Variants in DGKD observed in about 807,000 individuals in gnomAD.
DGKD encodes the protein DAG kinase delta.
A neutral mutation model predicts 154.4 loss-of-function variants in DGKD; 68 were observed. The observed-to-expected ratio is 0.44, with a 90% CI of 0.36 to 0.54. The LOEUF (loss-of-function observed/expected upper bound fraction) is 0.54, where lower values mean the gene tolerates loss of function less well. Among genes scored for constraint, DGKD ranks in the 20% least tolerant of loss-of-function variants. DGKD has a pLI of 0.00. For synonymous variants in DGKD, 693 were observed against 638.0 expected (o/e 1.09, Z -1.30); for missense variants, 1,343 against 1,593.6 (o/e 0.84, Z 2.68).
chr2:233,432,711 G>A (rs963301109), intron 3 of DGKD, among the ~76,000 whole-genome samples: 2 of 152,042 alleles, frequency 1.3e-5, no homozygotes, highest in Non-Finnish European at 2.9e-5. Flanking sequence ...TCTGACAAGG[G>A]ATTATAACCA....
intron 3 of DGKD, among the ~76,000 whole-genome samples, chr2:233,426,649 A>G (rs1033022499): frequency 1.2e-4 from 19 of 152,230 alleles, no homozygotes; most frequent in Admixed American, 7.8e-4. Context: ...ATGTATGAGT[A>G]TACTACAGTG....
In DGKD at chr2:233,445,540, T is replaced by G. The variant is rs1189336170; in HGVS notation, c.1195-83T>G. On this transcript the variant is annotated intron_variant, in intron 10 of 29. Transcript: ENST00000264057. The surrounding 1 kb of genome is among the most constrained non-coding windows in gnomAD (Gnocchi z 5.5). ...CACATTGCTAACGTAACCCTCACGGTGGGGGACAAGGAGGGCTGCGGGCTG... is the reference window on the plus strand; with the variant it reads ...CACATTGCTAACGTAACCCTCACGGGGGGGGACAAGGAGGGCTGCGGGCTG... 3 of 1,503,234 alleles carry G rather than the reference T, an allele frequency of 2.0e-6. No individual in the cohort carries two copies. The East Asian group carries it at 7.1e-5, about 36-fold the overall frequency. 93.1% of individuals were successfully genotyped at this position (1,503,234 alleles called of 1,614,324 possible).
intron 1 of DGKD, among the ~76,000 whole-genome samples, chr2:233,379,545 C>G (rs1317274169): frequency 6.6e-6 from 1 of 152,154 alleles, no homozygotes; most frequent in Non-Finnish European, 1.5e-5. Context: ...CCTGCCCCCT[C>G]CCACACTGAT....
intron 24 of DGKD, among the ~76,000 whole-genome samples, chr2:233,460,693 A>C (rs2063602672): frequency 6.6e-6 from 1 of 152,166 alleles, no homozygotes; most frequent in African/African-American, 2.4e-5. Context: ...GATTGAGACC[A>C]TTCTGGCTAA....
At chr2:233,358,860 T>C (rs934740713) in intron 1 of DGKD, among the ~76,000 whole-genome samples, 3 of 152,218 alleles carry the variant, frequency 2.0e-5, no homozygotes, top group African/African-American at 7.2e-5. Context: ...GCTGTGAACA[T>C]TCATGCACAT....
intron 3 of DGKD, among the ~76,000 whole-genome samples, chr2:233,404,542 T>C (rs73115402): frequency 0.067 from 10,127 of 152,232 alleles, 467 homozygotes; most frequent in African/African-American, 0.13. Context: ...GTGATTCTAG[T>C]TTGGTTCTGG....
intron 1 of DGKD, among the ~76,000 whole-genome samples, chr2:233,368,427 G>A (rs987901976): frequency 3.3e-5 from 5 of 152,042 alleles, no homozygotes; most frequent in African/African-American, 7.2e-5. Context: ...CAGGAGAATC[G>A]CATGAACCCA....
chr2:233,365,089 TAGA>T (rs1452544308), intron 1 of DGKD, among the ~76,000 whole-genome samples: 2 of 152,106 alleles, frequency 1.3e-5, no homozygotes, highest in Non-Finnish European at 2.9e-5. Flanking sequence ...TCAAAATATA[TAGA>T]AGAAAAATTA....
At chr2:233,465,440 G>A (rs987539970) in intron 27 of DGKD, among the ~76,000 whole-genome samples, 1 of 152,126 alleles carries the variant, frequency 6.6e-6, no homozygotes, top group Non-Finnish European at 1.5e-5. Flanking sequence ...TTTCATACTT[G>A]GAGAAATACA....
chr2:233,435,863 A>C lies in DGKD; in HGVS notation c.632A>C (p.Asn211Thr). ...AAGCGCTGTGCTGTGCGTGCAACCAATAACTGCAAGTGGACCACACTGGCC... is the reference window on the plus strand; with the variant it reads ...AAGCGCTGTGCTGTGCGTGCAACCACTAACTGCAAGTGGACCACACTGGCC... ...AHKRCAVRAT[N>T]NCKWTTLASI... The change falls in exon 6 of 30, where the codon AAT becomes ACT. Residue 211 changes from asparagine to threonine, a missense_variant. Physicochemically the swap from Asn to Thr is moderately conservative, Grantham distance 65. This residue lies in a region of DGKD where 332 missense variants were observed against 400.1 expected (regional missense o/e 0.83). Coordinates refer to ENST00000264057, the MANE Select transcript of DGKD (RefSeq NM_152879.3). The C allele has an allele frequency of 1.2e-6, 2 of 1,612,658 alleles. No individual in the cohort carries two copies. The highest frequency in any genetic ancestry group is 1.7e-6 in the Non-Finnish European group (2 of 1,179,448).
At chr2:233,373,465 C>T (rs1702423135) in intron 1 of DGKD, among the ~76,000 whole-genome samples, 1 of 152,116 alleles carries the variant, frequency 6.6e-6, no homozygotes. Flanking sequence ...TGGAAGACTC[C>T]TAATGGTAAG....
At position 233,436,337 on chromosome 2, in the gene DGKD, T is replaced by C; in HGVS notation, c.715T>C (p.Leu239=). The C allele has an allele frequency of 1.9e-6, 3 of 1,614,202 alleles. No individual in the cohort carries two copies. The highest frequency in any genetic ancestry group is 2.5e-6 in the Non-Finnish European group (3 of 1,180,024). The stretch of plus-strand genomic sequence containing the variant: ...GCAGATTGCAATGCCCCACCAGTGG[T>C]TGGAAGGAAACCTACCTGTGAGCGC... The part of the protein sequence containing the change: ...ADGIAMPHQW[L]EGNLPVSAKC... The change falls in exon 7 of 30, where the codon TTG becomes CTG. Residue 239 remains leucine, a synonymous_variant. Transcript: ENST00000264057.
At chr2:233,437,674 G>A (rs1165192949) in intron 8 of DGKD, among the ~76,000 whole-genome samples, 195 bp downstream of exon 8, 1 of 152,188 alleles carries the variant, frequency 6.6e-6, no homozygotes, top group Non-Finnish European at 1.5e-5. Context: ...GCCCTTAGAT[G>A]GGCCAGAGAC....
Position 233,460,278 on chromosome 2 carries a change from A to T in DGKD, c.2914A>T (p.Met972Leu). The T allele has an allele frequency of 6.2e-7, 1 of 1,613,882 alleles. No homozygotes were observed. The highest frequency in any genetic ancestry group is 8.5e-7 in the Non-Finnish European group (1 of 1,179,966). The change falls in exon 24 of 30, where the codon ATG (methionine) becomes TTG (leucine). Residue 972 changes from methionine (M) to leucine (L), a missense_variant. By Grantham distance (15) the Met-to-Leu change is conservative. This residue lies in a region of DGKD where 429 missense variants were observed against 496.3 expected (regional missense o/e 0.86). Transcript: ENST00000264057. ...TCCATCCTGTTCCCTGCACCCGGAG[A>T]TGCTGTCCGAGGAGGAGGCCACCCA... is the stretch of plus-strand genomic sequence containing the variant. ...RPPSCSLHPE[M>L]LSEEEATQMD...
At position 233,445,535 on chromosome 2, in the gene DGKD, C is replaced by A; in HGVS notation, c.1195-88C>A. 1.3e-6 allele frequency: 2 copies of A among 1,498,184 alleles called. No individual in the cohort carries two copies. Among genetic ancestry groups the A allele is most frequent in the Non-Finnish European group, 1.8e-6 (2 of 1,120,896 alleles). The allele number at this position is 1,498,184 out of a possible 1,614,324, so 92.8% of individuals were successfully genotyped here. ...GTCCCCACATTGCTAACGTAACCCTCACGGTGGGGGACAAGGAGGGCTGCG... is the reference window on the plus strand; with the variant it reads ...GTCCCCACATTGCTAACGTAACCCTAACGGTGGGGGACAAGGAGGGCTGCG... On this transcript the variant is annotated intron_variant, in intron 10 of 29. Transcript: ENST00000264057. The surrounding 1 kb of genome is among the most constrained non-coding windows in gnomAD (Gnocchi z 5.5).
At chr2:233,385,579 C>A (rs569771991) in intron 1 of DGKD, among the ~76,000 whole-genome samples, 1 of 152,162 alleles carries the variant, frequency 6.6e-6, no homozygotes, top group Admixed American at 6.5e-5. Flanking sequence ...ATGGCCCGAG[C>A]GAACTGTGCA....
rs986501328 is a variant in DGKD at position 233,390,387 on chromosome 2, G to C, written c.268-16G>C. ...TGTCTTTATGTGCCTTAGTCCCTGTGTTTGTCTCTTTCTAGTCAATCATAT... is the reference window on the plus strand; with the variant it reads ...TGTCTTTATGTGCCTTAGTCCCTGTCTTTGTCTCTTTCTAGTCAATCATAT... On this transcript the variant is annotated splice_polypyrimidine_tract_variant and intron_variant, in intron 2 of 29. Transcript: ENST00000264057. 1.9e-6 allele frequency: 3 copies of C among 1,611,656 alleles called. No individual in the cohort carries two copies. The African/African-American group carries it at 4.0e-5, about 22-fold the overall frequency.
At position 233,452,811 on chromosome 2, in the gene DGKD, C is replaced by T. The variant is rs1408724893; in HGVS notation, c.2264+751C>T. Among the ~76,000 whole-genome samples the T allele has an allele frequency of 6.6e-6, 1 of 152,204 alleles. No homozygotes were observed. The highest frequency in any genetic ancestry group is 1.5e-5 in the Non-Finnish European group (1 of 68,046). ...ATGCTGGCTGATTGCAGGTTCTGGGCAGCTGGTGGCAGTTGGTTAAATGTG... is the reference window on the plus strand; with the variant it reads ...ATGCTGGCTGATTGCAGGTTCTGGGTAGCTGGTGGCAGTTGGTTAAATGTG... On this transcript the variant is annotated intron_variant, in intron 18 of 29. Transcript: ENST00000264057. The surrounding 1 kb of genome is among the most constrained non-coding windows in gnomAD (Gnocchi z 4.0).
intron 3 of DGKD, among the ~76,000 whole-genome samples, chr2:233,404,883 G>A (rs2061645862): frequency 6.6e-6 from 1 of 152,050 alleles, no homozygotes; most frequent in Non-Finnish European, 1.5e-5. Flanking sequence ...TATGGAAGGT[G>A]GTAGAAGAAG....
Sources: gnomAD v4.1 joint callset for allele counts (sites outside exome capture counted in the v4.1 genomes callset) on GRCh38, gnomAD v4.1.1 for gene constraint, gnomAD v4.1.1 regional missense constraint, Gnocchi (gnomAD v3.1) non-coding constraint, MANE v1.5 for transcripts, NCBI Gene and HGNC (gene_info 2026-07-23, HGNC 2026-07-21) for gene names.